Variants in PPP1R1C observed in about 807,000 individuals in gnomAD.
PPP1R1C encodes protein phosphatase 1 regulatory subunit 1C.
A neutral mutation model predicts 17.4 loss-of-function variants in PPP1R1C; 15 were observed. The ratio of observed to expected loss-of-function variants is 0.86; its 90% CI spans 0.58 to 1.33. The LOEUF (loss-of-function observed/expected upper bound fraction) is 1.33. Ranked by LOEUF, PPP1R1C falls within the 40% of genes most tolerant of loss-of-function variation. The pLI, the probability that PPP1R1C is intolerant of heterozygous loss-of-function variation, is 0.00. For missense variants in PPP1R1C, 143 were observed against 130.0 expected (o/e 1.10, Z -0.48); for synonymous variants, 35 against 43.1 (o/e 0.81, Z 0.73).
At chr2:182,088,999 G>T (rs1688707550) in intron 4 of PPP1R1C, among the ~76,000 whole-genome samples, 1 of 152,170 alleles carries the variant, frequency 6.6e-6, no homozygotes, top group Non-Finnish European at 1.5e-5. Flanking sequence ...TCAAATGCTA[G>T]AGAGGAAGAA....
intron 2 of PPP1R1C, among the ~76,000 whole-genome samples, chr2:182,044,587 A>C (rs1468838055): frequency 6.6e-6 from 1 of 152,212 alleles, no homozygotes; most frequent in Non-Finnish European, 1.5e-5. Flanking sequence ...AAATGATAAG[A>C]TAGATGCCCC....
At chr2:182,072,889 A>G (rs2125206070) in intron 4 of PPP1R1C, among the ~76,000 whole-genome samples, 1 of 152,218 alleles carries the variant, frequency 6.6e-6, no homozygotes, top group East Asian at 1.9e-4. Flanking sequence ...TGACCACACA[A>G]ATCTGACTGT....
intron 4 of PPP1R1C, among the ~76,000 whole-genome samples, chr2:182,115,819 A>C (rs946497677): frequency 6.6e-6 from 1 of 152,220 alleles, no homozygotes; most frequent in South Asian, 2.1e-4. Flanking sequence ...ACAGCCGTAC[A>C]TGCAAACTTA....
intron 1 of PPP1R1C, among the ~76,000 whole-genome samples, chr2:181,986,822 C>T (rs1010077569): frequency 6.6e-6 from 1 of 152,142 alleles, no homozygotes; most frequent in Non-Finnish European, 1.5e-5. Flanking sequence ...CTTTCATATT[C>T]AGATTTACTT....
intron 2 of PPP1R1C, among the ~76,000 whole-genome samples, chr2:182,057,724 T>A (rs1454031447): frequency 6.6e-6 from 1 of 152,166 alleles, no homozygotes; most frequent in Non-Finnish European, 1.5e-5. Flanking sequence ...TGCCCTTCCT[T>A]ATACCTCTTT....
intron 4 of PPP1R1C, among the ~76,000 whole-genome samples, chr2:182,088,677 T>G (rs1283597735): frequency 6.6e-6 from 1 of 152,170 alleles, no homozygotes; most frequent in Non-Finnish European, 1.5e-5. Context: ...TGATTCTTTT[T>G]GCCTTGGAAA....
intron 4 of PPP1R1C, among the ~76,000 whole-genome samples, chr2:182,091,027 G>T (rs1688764858): frequency 6.6e-6 from 1 of 152,148 alleles, no homozygotes; most frequent in Non-Finnish European, 1.5e-5. Context: ...AAGAATAAAT[G>T]AGCTAATAGT....
At chr2:182,047,947 C>A (rs1272580078) in intron 2 of PPP1R1C, among the ~76,000 whole-genome samples, 3 of 151,984 alleles carry the variant, frequency 2.0e-5, no homozygotes, top group Non-Finnish European at 4.4e-5. Context: ...TTTTCTTTGT[C>A]ATTTCTACCA....
intron 2 of PPP1R1C, among the ~76,000 whole-genome samples, chr2:182,015,747 T>TG (rs1292207739): frequency 6.6e-6 from 1 of 152,126 alleles, no homozygotes; most frequent in Non-Finnish European, 1.5e-5. Flanking sequence ...GGGCTCTGCT[T>TG]GGTGCCCTGT....
At chr2:181,972,495 C>CAA (rs139608076) in intron 1 of PPP1R1C, among the ~76,000 whole-genome samples, 38 of 143,402 alleles carry the variant, frequency 2.6e-4, no homozygotes, top group African/African-American at 9.6e-4. Flanking sequence ...TTTAATAGGA[C>CAA]AAAAAAAAAA....
In PPP1R1C at chr2:182,095,444, G is replaced by A. The variant is rs180714338; in HGVS notation, c.242-21763G>A. 2.4e-4 allele frequency among the ~76,000 whole-genome samples: 36 copies of A among 152,240 alleles called. 1 individual carries two copies. Among genetic ancestry groups the A allele is most frequent in the Admixed American group, 1.2e-3 (19 of 15,298 alleles). On this transcript the variant is annotated intron_variant, in intron 4 of 4. Coordinates refer to ENST00000682840, the MANE Select transcript of PPP1R1C (RefSeq NM_001080545.3). Reference sequence around the variant, plus strand: ...AGAAAGTAAGAAGATGTAGCCATATGGTCGTCATTTACAAAGTTCCCACCA... The same window carrying A: ...AGAAAGTAAGAAGATGTAGCCATATAGTCGTCATTTACAAAGTTCCCACCA...
At position 181,962,270 on chromosome 2, in the gene PPP1R1C, C is replaced by A. The variant is rs964324774; in HGVS notation, n.111+7636C>A. On this transcript the variant is annotated intron_variant and non_coding_transcript_variant, in intron 1 of 5. Coordinates refer to the PPP1R1C transcript ENST00000464264. This position sits in a 1 kb window ranked among gnomAD's most constrained non-coding sequence, Gnocchi z 6.0. ...CTGGATGCCTCCCATTCCTGCCAGACCCCCGGCCATCCCCGCGGCCAGGTC... is the reference window on the plus strand; with the variant it reads ...CTGGATGCCTCCCATTCCTGCCAGAACCCCGGCCATCCCCGCGGCCAGGTC... 1.1e-5 allele frequency: 8 copies of A among 736,994 alleles called. No homozygotes were observed. In the African/African-American group the frequency reaches 1.2e-4, roughly 11 times the overall value. The allele number at this position is 736,994 out of a possible 1,614,324, so 45.7% of individuals were successfully genotyped here. A position where few individuals can be genotyped will look rare whatever the true frequency, so the allele number is the denominator to read the frequency against.
rs76767999 is a variant in PPP1R1C at position 181,960,841 on chromosome 2, A to G, written n.111+6207A>G. On this transcript the variant is annotated intron_variant and non_coding_transcript_variant, in intron 1 of 5. Coordinates refer to the PPP1R1C transcript ENST00000464264. ...AAAGTACAACGTAATCAAATCATGA[A>G]AATTATGAAACAAAACAAGCTCTAG... 1.2e-3 allele frequency among the ~76,000 whole-genome samples: 190 copies of G among 152,358 alleles called. 2 individuals are homozygous for G. In the East Asian group the frequency reaches 0.026, roughly 21 times the overall value.
chr2:182,044,482 A>G (rs557442145), intron 2 of PPP1R1C, among the ~76,000 whole-genome samples: 25 of 152,196 alleles, frequency 1.6e-4, no homozygotes, highest in African/African-American at 5.5e-4. Flanking sequence ...ATCTTTTCTC[A>G]TCTCCAGTCT....
At chr2:181,974,866 A>G (rs962704499) in intron 1 of PPP1R1C, among the ~76,000 whole-genome samples, 4 of 152,232 alleles carry the variant, frequency 2.6e-5, no homozygotes, top group African/African-American at 7.2e-5. Flanking sequence ...AAGGTTATAC[A>G]TATTTTAAAG....
chr2:181,985,393 A>G (rs1014237275), upstream of PPP1R1C, among the ~76,000 whole-genome samples: 2 of 152,172 alleles, frequency 1.3e-5, no homozygotes, highest in African/African-American at 4.8e-5. The surrounding 1 kb of genome is among the most constrained non-coding windows in gnomAD (Gnocchi z 4.1). Flanking sequence ...AACTCGAACT[A>G]AGATCTGCTC....
intron 2 of PPP1R1C, among the ~76,000 whole-genome samples, chr2:182,052,498 C>T (rs1687554519): frequency 6.6e-6 from 1 of 152,220 alleles, no homozygotes; most frequent in African/African-American, 2.4e-5. Flanking sequence ...TATCATCCCA[C>T]ACAGCAATGG....
chr2:182,114,892 G>A (rs1223253235), intron 4 of PPP1R1C, among the ~76,000 whole-genome samples: 1 of 152,120 alleles, frequency 6.6e-6, no homozygotes, highest in Non-Finnish European at 1.5e-5. Context: ...GGGTAAACAA[G>A]CAGACCTATT....
At chr2:181,997,587 G>A (rs895983940) in intron 2 of PPP1R1C, among the ~76,000 whole-genome samples, 2 of 152,168 alleles carry the variant, frequency 1.3e-5, no homozygotes, top group African/African-American at 4.8e-5. Context: ...ATGGATTCAA[G>A]TAATGAGATT....
Sources: gnomAD v4.1 joint callset for allele counts (sites outside exome capture counted in the v4.1 genomes callset) on GRCh38, gnomAD v4.1.1 for gene constraint, Gnocchi (gnomAD v3.1) non-coding constraint, MANE v1.5 for transcripts, NCBI Gene and HGNC (gene_info 2026-07-23, HGNC 2026-07-21) for gene names.